The following LRMDA variants were observed in gnomAD, a reference collection of about 807,000 sequenced individuals.
LRMDA encodes leucine rich melanocyte differentiation associated.
Under a neutral mutation model 29.8 loss-of-function variants are expected in LRMDA, and 18 were observed. The observed-to-expected ratio is 0.60, with a 90% CI of 0.42 to 0.90. The LOEUF is 0.90. LRMDA is among the 40% of genes least tolerant of loss of function. LRMDA has a pLI of 0.00. For synonymous variants in LRMDA, 125 were observed against 109.4 expected (o/e 1.14, Z -0.89); for missense variants, 273 against 273.9 (o/e 1.00, Z 0.02).
chr10:76,027,721 TGGA>T (rs1848084859), intron 2 of LRMDA, among the ~76,000 whole-genome samples: 1 of 152,196 alleles, frequency 6.6e-6, no homozygotes, highest in African/African-American at 2.4e-5. Context: ...AAAATTTGTG[TGGA>T]AAATGGTGAG....
At chr10:76,515,784 G>A (rs1487953803) in intron 6 of LRMDA, among the ~76,000 whole-genome samples, 2 of 152,138 alleles carry the variant, frequency 1.3e-5, no homozygotes, top group Non-Finnish European at 1.5e-5. Context: ...GATTTCAGCC[G>A]TGAGGCACCA....
At chr10:76,321,576 G>A (rs1401078783) in intron 5 of LRMDA, among the ~76,000 whole-genome samples, 1 of 150,312 alleles carries the variant, frequency 6.7e-6, no homozygotes, top group Non-Finnish European at 1.5e-5. Flanking sequence ...TATTGTAGAT[G>A]TTGCAAATAT....
chr10:76,229,760 T>G (rs1242133332), intron 5 of LRMDA, among the ~76,000 whole-genome samples: 2 of 152,132 alleles, frequency 1.3e-5, no homozygotes, highest in African/African-American at 4.8e-5. Flanking sequence ...GAGGATCCAG[T>G]CTGGGCTTGG....
intron 6 of LRMDA, among the ~76,000 whole-genome samples, chr10:76,536,195 A>G (rs1190583762): frequency 6.6e-6 from 1 of 152,186 alleles, no homozygotes; most frequent in Admixed American, 6.5e-5. Context: ...AAACAATAAT[A>G]CCATTATCAT....
chr10:76,367,661 T>G (rs1841406906), intron 6 of LRMDA, among the ~76,000 whole-genome samples: 1 of 152,060 alleles, frequency 6.6e-6, no homozygotes, highest in Non-Finnish European at 1.5e-5. Flanking sequence ...AGACCTCAGG[T>G]GATCCACCTG....
At chr10:76,058,624 C>A in intron 4 of LRMDA, 42 bp from the exon 5 acceptor site, 1 of 1,492,498 alleles carries the variant, frequency 6.7e-7, no homozygotes, top group Non-Finnish European at 9.4e-7. Flanking sequence ...TCTGAGGCTG[C>A]CACTCAAACT....
intron 6 of LRMDA, among the ~76,000 whole-genome samples, chr10:76,548,292 G>C (rs1300438594): frequency 6.6e-6 from 1 of 152,096 alleles, no homozygotes; most frequent in Non-Finnish European, 1.5e-5. Context: ...CTCCAATACA[G>C]TTAAAGAAAT....
intron 5 of LRMDA, among the ~76,000 whole-genome samples, chr10:76,148,648 G>A (rs1011664359): frequency 1.3e-5 from 2 of 152,118 alleles, no homozygotes; most frequent in Admixed American, 6.5e-5. Context: ...CCTGGGTGAG[G>A]CGATGCCTTC....
intron 2 of LRMDA, among the ~76,000 whole-genome samples, chr10:75,873,752 AT>A (rs35352364): frequency 0.37 from 56,555 of 151,680 alleles, 12,200 homozygotes; most frequent in South Asian, 0.52. Context: ...CTTTATGATC[AT>A]TTTGGTTAGT....
intron 5 of LRMDA, among the ~76,000 whole-genome samples, chr10:76,070,114 G>A (rs188001554): frequency 2.0e-5 from 3 of 152,284 alleles, no homozygotes; most frequent in East Asian, 1.9e-4. Context: ...TCTGTGGCAG[G>A]AGCTAATGCA....
chr10:75,440,244 C>T (rs1275986224), intron 2 of LRMDA, among the ~76,000 whole-genome samples: 7 of 146,688 alleles, frequency 4.8e-5, no homozygotes, highest in Admixed American at 6.9e-5. Context: ...AGGAAAATTT[C>T]GTAAGGGGGT....
At chr10:75,596,518 A>G (rs1293521355) in intron 2 of LRMDA, among the ~76,000 whole-genome samples, 1 of 151,598 alleles carries the variant, frequency 6.6e-6, no homozygotes, top group Non-Finnish European at 1.5e-5. Flanking sequence ...CACCAAGTTC[A>G]TTTTTCCATC....
intron 2 of LRMDA, among the ~76,000 whole-genome samples, chr10:75,731,012 A>C (rs1306849669): frequency 6.6e-6 from 1 of 152,178 alleles, no homozygotes; most frequent in Non-Finnish European, 1.5e-5. Flanking sequence ...TGATAACGTC[A>C]AAATGTGAAG....
chr10:76,223,066 C>T (rs938291809), intron 5 of LRMDA, among the ~76,000 whole-genome samples: 100 of 149,736 alleles, frequency 6.7e-4, no homozygotes, highest in African/African-American at 1.7e-3. Flanking sequence ...AATTGAACAA[C>T]GAGAACACAT....
chr10:76,431,864 A>T (rs1403739890), intron 6 of LRMDA, among the ~76,000 whole-genome samples: 1 of 152,114 alleles, frequency 6.6e-6, no homozygotes, highest in Non-Finnish European at 1.5e-5. Flanking sequence ...ACAAGATTTT[A>T]TGGCTTTAAA....
At chr10:75,847,310 A>T (rs1238948727) in intron 2 of LRMDA, among the ~76,000 whole-genome samples, 1 of 152,228 alleles carries the variant, frequency 6.6e-6, no homozygotes, top group Admixed American at 6.5e-5. Context: ...CATATGCAAA[A>T]GAATACAGTT....
chr10:76,335,036 A>C (rs1840951025), intron 6 of LRMDA, among the ~76,000 whole-genome samples: 1 of 152,202 alleles, frequency 6.6e-6, no homozygotes, highest in East Asian at 1.9e-4. Flanking sequence ...GAGTTGAAAG[A>C]ACTTTCCCTG....
intron 2 of LRMDA, among the ~76,000 whole-genome samples, chr10:75,710,646 A>C (rs985045912): frequency 1.3e-5 from 2 of 152,254 alleles, no homozygotes; most frequent in African/African-American, 4.8e-5. Flanking sequence ...ACCAGAGCCC[A>C]TCTGGGCATG....
intron 2 of LRMDA, among the ~76,000 whole-genome samples, chr10:75,903,166 T>G (rs1845703714): frequency 6.6e-6 from 1 of 152,246 alleles, no homozygotes; most frequent in African/African-American, 2.4e-5. Context: ...TTTAAGTCAT[T>G]GAGGGAATTT....
Sources: allele counts gnomAD v4.1 joint callset (sites outside exome capture counted in the v4.1 genomes callset), GRCh38; gene constraint gnomAD v4.1.1; transcripts MANE v1.5; gene names NCBI Gene and HGNC (gene_info 2026-07-23, HGNC 2026-07-21).